Variants in ZNF385D observed in about 807,000 individuals in gnomAD.
ZNF385D encodes the protein zinc finger protein 659.
ZNF385D carries 15 observed loss-of-function variants against 35.8 expected under a neutral mutation model. That is an observed-to-expected ratio of 0.42 (90% confidence interval 0.28 to 0.64). The LOEUF (loss-of-function observed/expected upper bound fraction) is 0.64. Among genes scored for constraint, ZNF385D ranks in the 30% least tolerant of loss-of-function variants. ZNF385D has a pLI of 0.23. For missense variants in ZNF385D, 474 were observed against 494.6 expected (o/e 0.96, Z 0.39); for synonymous variants, 212 against 186.8 (o/e 1.13, Z -1.10).
At chr3:22,190,912 C>G (rs1695976566) in intron 2 of ZNF385D, among the ~76,000 whole-genome samples, 1 of 151,842 alleles carries the variant, frequency 6.6e-6, no homozygotes, top group Non-Finnish European at 1.5e-5. Flanking sequence ...CTGTGAATTT[C>G]TAAAATGTAA....
chr3:22,153,356 G>A (rs1033231463), intron 3 of ZNF385D, among the ~76,000 whole-genome samples: 3 of 151,894 alleles, frequency 2.0e-5, no homozygotes, highest in African/African-American at 7.3e-5. Flanking sequence ...CCCTGATGCT[G>A]TAACATCATC....
chr3:21,833,428 G>A (rs1306870390), intron 3 of ZNF385D, among the ~76,000 whole-genome samples: 3 of 152,174 alleles, frequency 2.0e-5, no homozygotes, highest in African/African-American at 4.8e-5. Context: ...GAGGTGGGAA[G>A]GCTGAATGCC....
intron 4 of ZNF385D, among the ~76,000 whole-genome samples, chr3:21,505,596 C>T (rs1476127473): frequency 6.6e-6 from 1 of 152,054 alleles, no homozygotes; most frequent in African/African-American, 2.4e-5. Context: ...CATTGCCTAA[C>T]ACTCCCCAAC....
At chr3:22,061,058 C>A (rs1313654165) in intron 3 of ZNF385D, among the ~76,000 whole-genome samples, 7 of 151,838 alleles carry the variant, frequency 4.6e-5, no homozygotes, top group Admixed American at 4.6e-4. Flanking sequence ...TCTCTGAGGG[C>A]AGTATTAATA....
chr3:21,522,678 G>A (rs1017941961), intron 3 of ZNF385D, among the ~76,000 whole-genome samples: 3 of 152,108 alleles, frequency 2.0e-5, no homozygotes, highest in African/African-American at 7.2e-5. Flanking sequence ...GTGGTTTGGG[G>A]ACTAGATTAA....
chr3:21,896,111 C>T (rs1490769704), intron 3 of ZNF385D, among the ~76,000 whole-genome samples: 1 of 152,056 alleles, frequency 6.6e-6, no homozygotes, highest in South Asian at 2.1e-4. Flanking sequence ...TATCCCTGCT[C>T]CCATGACAAT....
chr3:22,102,906 AACC>A (rs1035071778), intron 3 of ZNF385D, among the ~76,000 whole-genome samples: 8 of 150,012 alleles, frequency 5.3e-5, no homozygotes, highest in Non-Finnish European at 1.0e-4. Flanking sequence ...GAAAAAAAAA[AACC>A]AACAAGTTCT....
chr3:21,435,749 T>G (rs956984178), intron 5 of ZNF385D, among the ~76,000 whole-genome samples: 2 of 152,198 alleles, frequency 1.3e-5, no homozygotes, highest in African/African-American at 4.8e-5. Context: ...GAAATGTATT[T>G]GCATGAATAA....
At chr3:21,634,477 T>C (rs2065372536) in intron 2 of ZNF385D, among the ~76,000 whole-genome samples, 2 of 152,114 alleles carry the variant, frequency 1.3e-5, no homozygotes, top group African/African-American at 2.4e-5. Flanking sequence ...AAATCTATCA[T>C]GCTCAAACTC....
chr3:21,636,378 T>TTATATATATATATATATATA (rs1183440640), intron 2 of ZNF385D, among the ~76,000 whole-genome samples: 3 of 47,984 alleles, frequency 6.3e-5, no homozygotes, highest in African/African-American at 1.8e-4. Flanking sequence ...ATATATATGA[T>TTATATATATATATATATATA]TATATATATA....
intron 3 of ZNF385D, among the ~76,000 whole-genome samples, chr3:22,098,419 A>G (rs1701749176): frequency 6.6e-6 from 1 of 152,056 alleles, no homozygotes; most frequent in Admixed American, 6.6e-5. Context: ...AAAAGGGAGC[A>G]TTTGGGAGAG....
chr3:22,189,508 A>C (rs2125221911), intron 2 of ZNF385D, among the ~76,000 whole-genome samples: 1 of 152,256 alleles, frequency 6.6e-6, no homozygotes, highest in East Asian at 1.9e-4. Context: ...ACAAGTGAGA[A>C]CTGAGGGGAG....
intron 2 of ZNF385D, among the ~76,000 whole-genome samples, chr3:21,620,889 A>G (rs1208057078): frequency 2.0e-5 from 3 of 152,152 alleles, no homozygotes; most frequent in Non-Finnish European, 4.4e-5. Flanking sequence ...TGTTATTACT[A>G]TGCAAAATCA....
At chr3:22,025,710 G>A (rs905448707) in intron 3 of ZNF385D, among the ~76,000 whole-genome samples, 3 of 152,154 alleles carry the variant, frequency 2.0e-5, no homozygotes, top group Non-Finnish European at 4.4e-5. Flanking sequence ...TGTAGAGGAA[G>A]GGATCCAAAG....
At chr3:21,989,567 T>C (rs1295060672) in intron 3 of ZNF385D, among the ~76,000 whole-genome samples, 3 of 152,184 alleles carry the variant, frequency 2.0e-5, no homozygotes, top group South Asian at 2.1e-4. Flanking sequence ...AATGATGAAA[T>C]AGGCTTTAAA....
At chr3:22,145,799 G>A (rs1048494458) in intron 3 of ZNF385D, among the ~76,000 whole-genome samples, 1 of 152,118 alleles carries the variant, frequency 6.6e-6, no homozygotes, top group African/African-American at 2.4e-5. Flanking sequence ...GGAGGCCAGT[G>A]GTTTCCCCAT....
At chr3:22,358,440 T>C (rs1696255232) in intron 2 of ZNF385D, among the ~76,000 whole-genome samples, 1 of 151,870 alleles carries the variant, frequency 6.6e-6, no homozygotes, top group Non-Finnish European at 1.5e-5. Flanking sequence ...TGCATTCAAG[T>C]AGCAGCTTGA....
intron 2 of ZNF385D, among the ~76,000 whole-genome samples, chr3:22,181,649 G>A (rs1207633693): frequency 6.8e-6 from 1 of 147,218 alleles, no homozygotes; most frequent in Non-Finnish European, 1.5e-5. Flanking sequence ...AGTGAGCGGA[G>A]ATGGGGCCAC....
intron 2 of ZNF385D, among the ~76,000 whole-genome samples, chr3:21,601,125 A>C (rs970837395): frequency 6.6e-6 from 1 of 152,204 alleles, no homozygotes; most frequent in Non-Finnish European, 1.5e-5. Flanking sequence ...GAATCACTTT[A>C]ATAACAATTA....
Sources: gnomAD v4.1 joint callset for allele counts (sites outside exome capture counted in the v4.1 genomes callset) on GRCh38, gnomAD v4.1.1 for gene constraint, MANE v1.5 for transcripts, NCBI Gene and HGNC (gene_info 2026-07-23, HGNC 2026-07-21) for gene names.